PCDHA2: variants seen among roughly 807,000 people sequenced by gnomAD.
PCDHA2 encodes protocadherin alpha 2.
In PCDHA2, 58 loss-of-function variants were observed where a neutral mutation model predicts 66.0. The observed-to-expected ratio is 0.88, with a 90% CI of 0.71 to 1.09. The LOEUF is 1.09. Ranked by LOEUF, PCDHA2 falls within the 50% of genes least tolerant of loss-of-function variation. The pLI is 0.00. For synonymous variants in PCDHA2, 634 were observed against 554.0 expected (o/e 1.14, Z -2.03); for missense variants, 1,267 against 1,242.3 (o/e 1.02, Z -0.30).
Position 140,839,190 on chromosome 5 carries a change from A to G in PCDHA2, c.2388+41838A>G, listed in dbSNP as rs185787528. Among the ~76,000 whole-genome samples, 211 of 138,022 alleles carry G rather than the reference A, an allele frequency of 1.5e-3. 1 individual carries two copies. The highest frequency in any genetic ancestry group is 4.2e-3 in the Admixed American group (57 of 13,704). The allele number at this position is 138,022 out of a possible 152,430, so 90.5% of individuals were successfully genotyped here. A position where few individuals can be genotyped will look rare whatever the true frequency, so the allele number is the denominator to read the frequency against. ...GATATTCAGTTTTGTGGAAAAATCTATAAATATCTTTGACCTTCAAAGATG... is the reference window on the plus strand; with the variant it reads ...GATATTCAGTTTTGTGGAAAAATCTGTAAATATCTTTGACCTTCAAAGATG... On this transcript the variant is annotated intron_variant, in intron 1 of 3. Transcript: ENST00000526136.
chr5:140,824,055 G>A, intron 1 of PCDHA2: 1 of 1,614,112 alleles, frequency 6.2e-7, no homozygotes, highest in Non-Finnish European at 8.5e-7. Flanking sequence ...TGTGCTCTGG[G>A]GAAGCTCCAC....
chr5:140,927,705 C>T (rs2084535217), intron 1 of PCDHA2: 1 of 1,614,100 alleles, frequency 6.2e-7, no homozygotes, highest in African/African-American at 1.3e-5. Flanking sequence ...TCCAGTACTC[C>T]CTAAGCAACA....
chr5:140,878,583 T>C (rs1355382396), intron 1 of PCDHA2, among the ~76,000 whole-genome samples: 1 of 152,236 alleles, frequency 6.6e-6, no homozygotes, highest in African/African-American at 2.4e-5. Context: ...CACTGCCCTG[T>C]GCCTATTACC....
intron 1 of PCDHA2, among the ~76,000 whole-genome samples, chr5:140,820,184 T>C (rs1404871030): frequency 2.6e-5 from 4 of 151,968 alleles, no homozygotes; most frequent in Non-Finnish European, 5.9e-5. Context: ...GTCTGGGAAA[T>C]TGATTTGTGT....
chr5:140,824,488 C>A (rs1768136874), intron 1 of PCDHA2: 2 of 355,752 alleles, frequency 5.6e-6, no homozygotes, highest in East Asian at 6.0e-5. Context: ...TTTTAGAGAC[C>A]CTTTGTTGCT....
intron 1 of PCDHA2, chr5:140,822,447 A>T: frequency 6.2e-7 from 1 of 1,613,894 alleles, no homozygotes; most frequent in Non-Finnish European, 8.5e-7. Flanking sequence ...TAACAGGTAC[A>T]GTTCAGTTGT....
chr5:140,850,459 G>T (rs868917699), intron 1 of PCDHA2: 1 of 1,597,898 alleles, frequency 6.3e-7, no homozygotes, highest in Admixed American at 1.7e-5. Flanking sequence ...AAAGACCACG[G>T]GGAGCCAGCG....
At chr5:140,930,902 T>C (rs1474835953) in intron 1 of PCDHA2, among the ~76,000 whole-genome samples, 1 of 152,212 alleles carries the variant, frequency 6.6e-6, no homozygotes, top group Non-Finnish European at 1.5e-5. Flanking sequence ...TTTAACTTAC[T>C]TTTCTACTTT....
In PCDHA2 at chr5:140,854,965, C is replaced by T. The variant is rs951485051; in HGVS notation, c.2388+57613C>T. Among the ~76,000 whole-genome samples the T allele has an allele frequency of 4.0e-5, 6 of 149,774 alleles. 1 individual carries two copies. Among genetic ancestry groups the T allele is most frequent in the African/African-American group, 1.5e-4 (6 of 40,950 alleles). ...TAATAAATTTCTTAATTACTTTATT[C>T]AGAATTATAATTAAGATTCTTTTTG... On this transcript the variant is annotated intron_variant, in intron 1 of 3. Coordinates refer to ENST00000526136, the MANE Select transcript of PCDHA2 (RefSeq NM_018905.3).
chr5:140,871,098 G>T (rs2052704304), intron 1 of PCDHA2: 4 of 1,613,192 alleles, frequency 2.5e-6, no homozygotes, highest in Non-Finnish European at 3.4e-6. Context: ...CCACCGTGCT[G>T]GTGTCGTTGG....
chr5:140,807,962 A>T, intron 1 of PCDHA2: 1 of 1,614,066 alleles, frequency 6.2e-7, no homozygotes. Context: ...TCCTAATGGA[A>T]CATTGGTAAT....
intron 1 of PCDHA2, among the ~76,000 whole-genome samples, chr5:140,872,773 C>CTA (rs1354761914): frequency 6.6e-6 from 1 of 152,078 alleles, no homozygotes; most frequent in Non-Finnish European, 1.5e-5. Context: ...GCTATATTAT[C>CTA]TATAATATAT....
intron 1 of PCDHA2, among the ~76,000 whole-genome samples, chr5:140,958,935 G>A (rs1439446773): frequency 9.3e-6 from 1 of 107,572 alleles, no homozygotes; most frequent in African/African-American, 4.3e-5. Flanking sequence ...GCTCATACTT[G>A]TAATAATATT....
chr5:140,818,258 C>CA (rs1399194930), intron 1 of PCDHA2, among the ~76,000 whole-genome samples: 2 of 152,096 alleles, frequency 1.3e-5, no homozygotes, highest in African/African-American at 2.4e-5. Context: ...GTTTTTAAAT[C>CA]ACTTTTTCTC....
intron 1 of PCDHA2, among the ~76,000 whole-genome samples, chr5:140,893,588 A>G (rs2064072698): frequency 6.6e-6 from 1 of 152,212 alleles, no homozygotes; most frequent in South Asian, 2.1e-4. Flanking sequence ...TTGTTTGGGA[A>G]ATACTTTATT....
chr5:140,982,795 ATG>A (rs60616196), intron 3 of PCDHA2, among the ~76,000 whole-genome samples: 18 of 151,504 alleles, frequency 1.2e-4, no homozygotes, highest in African/African-American at 3.2e-4. Flanking sequence ...GCATGTGTGC[ATG>A]TGTGTGTGTG....
chr5:140,857,651 AGC>A (rs2044749625), intron 1 of PCDHA2: 2 of 1,596,558 alleles, frequency 1.3e-6, no homozygotes, highest in Middle Eastern at 2.0e-4. Flanking sequence ...GTTCCAGGTG[AGC>A]GCGCGCGATG....
At chr5:140,864,390 A>G (rs1314124193) in intron 1 of PCDHA2, 1 of 152,190 alleles carries the variant, frequency 6.6e-6, no homozygotes. Flanking sequence ...ATCTCTCACA[A>G]ATGGTGATGA....
At chr5:140,888,147 A>G (rs1182114974) in intron 1 of PCDHA2, among the ~76,000 whole-genome samples, 1 of 152,064 alleles carries the variant, frequency 6.6e-6, no homozygotes, top group African/African-American at 2.4e-5. Flanking sequence ...GCTGTTTTGC[A>G]TGACTGGTAA....
Sources: gnomAD v4.1 joint callset for allele counts (sites outside exome capture counted in the v4.1 genomes callset) on GRCh38, gnomAD v4.1.1 for gene constraint, MANE v1.5 for transcripts, NCBI Gene and HGNC (gene_info 2026-07-23, HGNC 2026-07-21) for gene names.